Variants in HYAL4 observed in about 807,000 individuals in gnomAD.
HYAL4 encodes hyaluronidase-4.
Under a neutral mutation model 35.2 loss-of-function variants are expected in HYAL4, and 37 were observed. The ratio of observed to expected loss-of-function variants is 1.05; its 90% confidence interval spans 0.81 to 1.38. HYAL4 has a LOEUF of 1.38. Among genes scored for constraint, HYAL4 ranks in the 40% most tolerant of loss-of-function variants. HYAL4 has a pLI of 0.00. For missense variants in HYAL4, 572 were observed against 572.4 expected (o/e 1.00, Z 0.01); for synonymous variants, 198 against 203.2 (o/e 0.97, Z 0.22).
At chr7:123,850,515 C>T (rs964412678) in intron 2 of HYAL4, among the ~76,000 whole-genome samples, 2 of 152,146 alleles carry the variant, frequency 1.3e-5, no homozygotes, top group Non-Finnish European at 2.9e-5. Context: ...ACTGGGATTA[C>T]AGTCTTGAGC....
chr7:123,768,558 A>G, the HYAL4 span, among the ~76,000 whole-genome samples: 1 of 152,222 alleles, frequency 6.6e-6, no homozygotes, highest in Non-Finnish European at 1.5e-5. Flanking sequence ...ATAGACTTGT[A>G]TAAGGTAGGC....
the HYAL4 span, among the ~76,000 whole-genome samples, chr7:123,789,706 C>A: frequency 6.6e-6 from 1 of 151,988 alleles, no homozygotes; most frequent in Non-Finnish European, 1.5e-5. Flanking sequence ...GTTAGCTCAG[C>A]TATTGGATTA....
intron 2 of HYAL4, among the ~76,000 whole-genome samples, chr7:123,855,882 A>T (rs1440555130): frequency 6.6e-6 from 1 of 151,894 alleles, no homozygotes; most frequent in Non-Finnish European, 1.5e-5. Flanking sequence ...TATTTGTTGG[A>T]GGCTTTGTTT....
the HYAL4 span, among the ~76,000 whole-genome samples, chr7:123,808,061 T>A: frequency 6.6e-6 from 1 of 151,552 alleles, no homozygotes; most frequent in Admixed American, 6.6e-5. Context: ...AGGCATGAGG[T>A]ACTATAGTTG....
At chr7:123,865,239 CT>C (rs1373632424) in intron 2 of HYAL4, among the ~76,000 whole-genome samples, 1 of 151,830 alleles carries the variant, frequency 6.6e-6, no homozygotes, top group Non-Finnish European at 1.5e-5. Context: ...GTAGATTTTT[CT>C]TTTTTTGGTA....
At chr7:123,826,943 T>C (rs1176393506), upstream of HYAL4, among the ~76,000 whole-genome samples, 1 of 151,868 alleles carries the variant, frequency 6.6e-6, no homozygotes, top group East Asian at 1.9e-4. Flanking sequence ...AAAGAGGGAG[T>C]TGGCTTATGC....
chr7:123,877,263 A>C lies in HYAL4; in HGVS notation c.*108A>C, dbSNP rs907167137. ...TATGAATTCTATTGAGAGATATTAT[A>C]AGTAGACATTATGTATGTCACTTAA... On this transcript the variant is annotated 3_prime_UTR_variant, in exon 5 of 5. Coordinates refer to ENST00000223026, the MANE Select transcript of HYAL4 (RefSeq NM_012269.3). The C allele has an allele frequency of 2.7e-6, 3 of 1,095,514 alleles. No homozygotes were observed. Among genetic ancestry groups the C allele is most frequent in the African/African-American group, 3.2e-5 (2 of 63,124 alleles). The allele number at this position is 1,095,514 out of a possible 1,614,324, so 67.9% of individuals were successfully genotyped here. A position where few individuals can be genotyped will look rare whatever the true frequency, so the allele number is the denominator to read the frequency against.
chr7:123,780,624 C>T, the HYAL4 span, among the ~76,000 whole-genome samples: 68 of 152,234 alleles, frequency 4.5e-4, no homozygotes, highest in African/African-American at 1.6e-3. Context: ...ATATGGTTGC[C>T]ACTGGTCACA....
chr7:123,876,718 G>T, intron 4 of HYAL4, 36 bp from the exon 5 acceptor site: 1 of 1,589,734 alleles, frequency 6.3e-7, no homozygotes, highest in Non-Finnish European at 8.6e-7. Flanking sequence ...CTACCAGGGA[G>T]AACACACTAA....
intron 2 of HYAL4, among the ~76,000 whole-genome samples, chr7:123,866,629 C>T (rs1806692234): frequency 6.6e-6 from 1 of 152,156 alleles, no homozygotes; most frequent in Admixed American, 6.5e-5. Flanking sequence ...ACACACAAGA[C>T]TGCAAACGTT....
chr7:123,810,036 G>GT, the HYAL4 span, among the ~76,000 whole-genome samples: 592 of 152,304 alleles, frequency 3.9e-3, 1 homozygote, highest in Non-Finnish European at 6.5e-3. Flanking sequence ...TTTAGTAAAA[G>GT]TTAACTCTTT....
At chr7:123,850,205 T>A (rs1285597101) in intron 2 of HYAL4, among the ~76,000 whole-genome samples, 1 of 152,180 alleles carries the variant, frequency 6.6e-6, no homozygotes, top group African/African-American at 2.4e-5. Context: ...AGTTTGAGGA[T>A]GGAAAGAAGA....
At chr7:123,856,687 C>G (rs1194428151) in intron 2 of HYAL4, among the ~76,000 whole-genome samples, 1 of 152,176 alleles carries the variant, frequency 6.6e-6, no homozygotes, top group Admixed American at 6.5e-5. Flanking sequence ...AGGAGGCAGT[C>G]TGTCCCTTAG....
chr7:123,838,614 A>G (rs989747253), intron 1 of HYAL4, among the ~76,000 whole-genome samples: 2 of 152,090 alleles, frequency 1.3e-5, no homozygotes, highest in Non-Finnish European at 2.9e-5. Context: ...CAATGTGCCT[A>G]CGTGATAGTC....
chr7:123,793,924 A>C, the HYAL4 span, among the ~76,000 whole-genome samples: 1 of 152,166 alleles, frequency 6.6e-6, no homozygotes, highest in African/African-American at 2.4e-5. Flanking sequence ...AGACAGGAAA[A>C]TTTGGAAAAG....
At chr7:123,814,307 C>A in the HYAL4 span, 2 of 152,628 alleles carry the variant, frequency 1.3e-5, no homozygotes, top group African/African-American at 4.8e-5. Context: ...GGATATAAAT[C>A]TTCAAGTATT....
intron 3 of HYAL4, among the ~76,000 whole-genome samples, chr7:123,870,445 A>C (rs1455433733): frequency 1.3e-5 from 2 of 152,158 alleles, no homozygotes; most frequent in African/African-American, 4.8e-5. Context: ...AATAATAGGA[A>C]GTCAGTACCG....
the HYAL4 span, among the ~76,000 whole-genome samples, chr7:123,794,999 G>A: frequency 6.6e-6 from 1 of 152,240 alleles, no homozygotes; most frequent in Non-Finnish European, 1.5e-5. Flanking sequence ...AGCCACAGGG[G>A]CTAAGCTGCC....
chr7:123,846,339 G>C (rs1206471061), intron 1 of HYAL4, among the ~76,000 whole-genome samples: 1 of 152,068 alleles, frequency 6.6e-6, no homozygotes, highest in Non-Finnish European at 1.5e-5. Context: ...TGGTGGATGG[G>C]GGTGTTGTTC....
Sources: gnomAD v4.1 joint callset for allele counts (sites outside exome capture counted in the v4.1 genomes callset) on GRCh38, gnomAD v4.1.1 for gene constraint, MANE v1.5 for transcripts, NCBI Gene and HGNC (gene_info 2026-07-23, HGNC 2026-07-21) for gene names.